Variants in MAPK8IP3 observed in about 807,000 individuals in gnomAD.
MAPK8IP3 encodes mitogen-activated protein kinase 8 interacting protein 3.
MAPK8IP3 carries 49 observed loss-of-function variants against 157.8 expected under a neutral mutation model. That is an observed-to-expected ratio of 0.31 (90% CI 0.25 to 0.39). The LOEUF (loss-of-function observed/expected upper bound fraction) is 0.39, where lower values mean the gene tolerates loss of function less well. MAPK8IP3 is among the 10% of genes least tolerant of loss of function. MAPK8IP3 has a pLI of 1.00. For missense variants in MAPK8IP3, 1,478 were observed against 1,889.4 expected, an observed-to-expected ratio of 0.78 and a Z score of 4.04; for synonymous variants, 897 against 777.7, an observed-to-expected ratio of 1.15 and a Z score of -2.55.
intron 1 of MAPK8IP3, among the ~76,000 whole-genome samples, chr16:1,709,737 C>T (rs927054244): frequency 1.9e-4 from 29 of 152,230 alleles, no homozygotes; most frequent in Admixed American, 8.5e-4. Flanking sequence ...AGAGGAGGGC[C>T]GGGCAGAGCC....
intron 1 of MAPK8IP3, among the ~76,000 whole-genome samples, chr16:1,723,480 C>T (rs2038670860): frequency 6.6e-6 from 1 of 152,098 alleles, no homozygotes. Context: ...ATTAGCCAGG[C>T]ATGGTGACAC....
rs942647620 is a variant in MAPK8IP3, at chr16:1,768,989, G to T, written c.*165G>T. ...TCCAGCGGGCAGGGAGTGCGGGGAT[G>T]CGGATCAGCTGGGAGGAGGAGGGGA... On this transcript the variant is annotated 3_prime_UTR_variant, in exon 32 of 32. Transcript: ENST00000610761. 9 of 766,780 alleles carry T rather than the reference G, an allele frequency of 1.2e-5. No homozygotes were observed. Among genetic ancestry groups the T allele is most frequent in the Admixed American group, 5.3e-5 (2 of 37,762 alleles). The allele number at this position is 766,780 out of a possible 1,614,324, so 47.5% of individuals were successfully genotyped here. A position where few individuals can be genotyped will look rare whatever the true frequency, so the allele number is the denominator to read the frequency against.
At chr16:1,744,059 C>T (rs1416910701) in intron 5 of MAPK8IP3, 1 of 988,334 alleles carries the variant, frequency 1.0e-6, no homozygotes, top group African/African-American at 1.7e-5. Context: ...GTGCGGGGGC[C>T]CCAGCAGGTT....
Position 1,747,169 on chromosome 16 carries a change from G to A in MAPK8IP3, c.888G>A (p.Leu296=). Residue 296 remains leucine (L), a synonymous_variant, in exon 6 of 32, where the codon CTG becomes CTA. Coordinates refer to ENST00000610761, the MANE Select transcript of MAPK8IP3 (RefSeq NM_001318852.2). ...VTPLNESLQP[L]GDYGVGSKNS... is the part of the protein sequence containing the mutation. The stretch of plus-strand genomic sequence containing the variant: ...CCCTCAACGAGAGCCTGCAGCCCCT[G>A]GGGGACTATGGCGTGGGCTCCAAGA... 6.2e-7 allele frequency: 1 copy of A among 1,614,018 alleles called. No homozygotes were observed. The highest frequency in any genetic ancestry group is 1.1e-5 in the South Asian group (1 of 91,086).
chr16:1,768,769 C>G lies in MAPK8IP3; in HGVS notation c.3959C>G (p.Ser1320Cys). The G allele has an allele frequency of 6.2e-7, 1 of 1,612,758 alleles. No individual in the cohort carries two copies. Among genetic ancestry groups the G allele is most frequent in the Non-Finnish European group, 8.5e-7 (1 of 1,179,850 alleles). Reference protein sequence around the residue: ...GDMSQVKPVLSKAERSHIIVW... With the variant: ...GDMSQVKPVLCKAERSHIIVW... Reference sequence around the variant, plus strand: ...ATGAGCCAGGTGAAGCCCGTGCTGTCCAAGGCAGAGCGCAGTCACATCATC... The same window carrying G: ...ATGAGCCAGGTGAAGCCCGTGCTGTGCAAGGCAGAGCGCAGTCACATCATC... Residue 1320 changes from serine to cysteine, a missense_variant, in exon 32 of 32, where the codon TCC becomes TGC. Physicochemically the swap from Ser to Cys is moderately radical, Grantham distance 112. Around this residue, in one of 11 missense-constraint regions of MAPK8IP3, gnomAD observed 133 missense variants for 133.4 expected, o/e 1.00. Coordinates refer to ENST00000610761, the MANE Select transcript of MAPK8IP3 (RefSeq NM_001318852.2).
rs528503674 is a variant in MAPK8IP3, at chr16:1,711,830, C to T, written c.318+5173C>T. 2.7e-5 allele frequency among the ~76,000 whole-genome samples: 4 copies of T among 150,452 alleles called. No homozygotes were observed. In the East Asian group the frequency reaches 7.9e-4, roughly 30 times the overall value. On this transcript the variant is annotated intron_variant, in intron 1 of 31. Transcript: ENST00000610761. ...TGATGCACACCTGTACTCCCAGCTA[C>T]TTGGAAGGCTGAAGCAGGAGAATCG...
intron 4 of MAPK8IP3, among the ~76,000 whole-genome samples, chr16:1,734,569 C>T (rs1369447878): frequency 6.6e-6 from 1 of 152,236 alleles, no homozygotes; most frequent in Non-Finnish European, 1.5e-5. Flanking sequence ...GGCACGGCCC[C>T]CCTCCCCTGT....
In MAPK8IP3 at chr16:1,706,621, C is replaced by G; in HGVS notation, c.282C>G (p.Tyr94Ter). 1 of 1,587,720 alleles carries G rather than the reference C, an allele frequency of 6.3e-7. No homozygotes were observed. Among genetic ancestry groups the G allele is most frequent in the Non-Finnish European group, 8.6e-7 (1 of 1,167,480 alleles). Reference protein sequence around the residue: ...REDNEQLLTQYEREKALRRQA... With the variant: ...REDNEQLLTQ ...ACAACGAGCAGCTGCTCACCCAGTACGAGCGTGAGAAGGCGCTGCGCAGGC... is the reference window on the plus strand; with the variant it reads ...ACAACGAGCAGCTGCTCACCCAGTAGGAGCGTGAGAAGGCGCTGCGCAGGC... Residue 94 changes from tyrosine to a stop codon, truncating the protein, a stop_gained, in exon 1 of 32, where the codon TAC (tyrosine) becomes TAG (stop). Coordinates refer to ENST00000610761, the MANE Select transcript of MAPK8IP3 (RefSeq NM_001318852.2). LOFTEE classifies it high-confidence loss of function. The surrounding 1 kb of genome is among the most constrained non-coding windows in gnomAD (Gnocchi z 5.1).
chr16:1,735,940 CTGTG>C (rs556215988), intron 4 of MAPK8IP3, among the ~76,000 whole-genome samples: 65 of 118,524 alleles, frequency 5.5e-4, no homozygotes, highest in African/African-American at 1.3e-3. Context: ...GTGTGACCGT[CTGTG>C]TGAGTGTGAC....
intron 2 of MAPK8IP3, among the ~76,000 whole-genome samples, chr16:1,726,543 C>T (rs572805052): frequency 6.6e-6 from 1 of 152,244 alleles, no homozygotes; most frequent in Non-Finnish European, 1.5e-5. Context: ...GGCACGGTGG[C>T]TCACAGACTT....
chr16:1,739,922 GCTTCCGTGTGACTGTC>G, intron 4 of MAPK8IP3, among the ~76,000 whole-genome samples: 1 of 117,598 alleles, frequency 8.5e-6, no homozygotes, highest in South Asian at 3.5e-4. Context: ...GTCCGTGTGA[GCTTCCGTGTGACTGTC>G]CGTGTGAGCA....
Position 1,706,232 on chromosome 16 carries a change from A to T in MAPK8IP3, c.-108A>T. 9.8e-7 allele frequency: 1 copy of T among 1,022,964 alleles called. No individual in the cohort carries two copies. Among genetic ancestry groups the T allele is most frequent in the Non-Finnish European group, 1.3e-6 (1 of 760,950 alleles). 63.4% of individuals were successfully genotyped at this position (1,022,964 alleles called of 1,614,324 possible). A position where few individuals can be genotyped will look rare whatever the true frequency, so the allele number is the denominator to read the frequency against. On this transcript the variant is annotated 5_prime_UTR_variant, in exon 1 of 32. Coordinates refer to ENST00000610761, the MANE Select transcript of MAPK8IP3 (RefSeq NM_001318852.2). The surrounding 1 kb of genome is among the most constrained non-coding windows in gnomAD (Gnocchi z 5.1). ...GGCGGCGGCGGAGCCCTGAGGCGAC[A>T]GCAGCTGCGGGAGGCGACGGGCTGC... is the stretch of plus-strand genomic sequence containing the variant.
chr16:1,752,095 GTT>G (rs2041323351), intron 8 of MAPK8IP3: 1 of 152,620 alleles, frequency 6.6e-6, no homozygotes, highest in African/African-American at 2.4e-5. Context: ...CGCCCATCCT[GTT>G]GGCTGTGGTA....
intron 1 of MAPK8IP3, among the ~76,000 whole-genome samples, chr16:1,722,910 C>G (rs894067437): frequency 6.6e-6 from 1 of 151,926 alleles, no homozygotes; most frequent in Non-Finnish European, 1.5e-5. Context: ...GCCGTGTTAG[C>G]CAGGATGGAC....
At chr16:1,755,314 G>T (rs1294958017) in intron 8 of MAPK8IP3, among the ~76,000 whole-genome samples, 1 of 152,170 alleles carries the variant, frequency 6.6e-6, no homozygotes, top group Admixed American at 6.5e-5. Context: ...TGACCTCCCC[G>T]TAAACAGCAG....
chr16:1,717,290 A>G (rs2038219650), intron 1 of MAPK8IP3, among the ~76,000 whole-genome samples: 1 of 152,138 alleles, frequency 6.6e-6, no homozygotes, highest in Non-Finnish European at 1.5e-5. Context: ...AAATTCTGAA[A>G]ACATAAGTTG....
intron 7 of MAPK8IP3, 72 bp from the exon 8 acceptor site, chr16:1,748,530 G>C: frequency 7.6e-7 from 1 of 1,311,014 alleles, no homozygotes; most frequent in South Asian, 1.2e-5. Context: ...GGTGTTGGAA[G>C]AGTCTGCAGA....
chr16:1,763,041 A>G lies in MAPK8IP3; in HGVS notation c.1898+35A>G, dbSNP rs567865881. 3.2e-5 allele frequency: 52 copies of G among 1,610,744 alleles called. No homozygotes were observed. In the East Asian group the frequency reaches 6.0e-4, roughly 19 times the overall value. On this transcript the variant is annotated intron_variant, in intron 16 of 31. Transcript: ENST00000610761. ...CCGCAGCCCCCACTTGTGGCCTGCA[A>G]TGGGGTTGGGGAGGCCCTGTCCTGA... is the stretch of plus-strand genomic sequence containing the variant.
rs1475465101 is a variant in MAPK8IP3, at chr16:1,724,276, AG to A, written c.319-279del. Reference sequence around the variant, plus strand: ...GAAGGCAGCCGTAATTGGAAACAACAGGCTCCCTTCACAGCAAATCCTCCCG... The same window carrying A: ...GAAGGCAGCCGTAATTGGAAACAACAGCTCCCTTCACAGCAAATCCTCCCG... On this transcript the variant is annotated intron_variant, in intron 1 of 31. Coordinates refer to ENST00000610761, the MANE Select transcript of MAPK8IP3 (RefSeq NM_001318852.2). The surrounding 1 kb of genome is among the most constrained non-coding windows in gnomAD (Gnocchi z 4.1). 6.6e-6 allele frequency among the ~76,000 whole-genome samples: 1 copy of A among 152,250 alleles called. No individual in the cohort carries two copies. Among genetic ancestry groups the A allele is most frequent in the Non-Finnish European group, 1.5e-5 (1 of 68,042 alleles).
Sources: allele counts gnomAD v4.1 joint callset (sites outside exome capture counted in the v4.1 genomes callset), GRCh38; gene constraint gnomAD v4.1.1; regional missense constraint gnomAD v4.1.1; non-coding constraint Gnocchi (gnomAD v3.1); transcripts MANE v1.5; gene names NCBI Gene and HGNC (gene_info 2026-07-23, HGNC 2026-07-21).